The following RALGAPA1 variants were observed in gnomAD, a reference collection of about 807,000 sequenced individuals.
RALGAPA1 encodes ral GTPase-activating protein subunit alpha-1.
In RALGAPA1, 52 loss-of-function variants were observed where a neutral mutation model predicts 269.6. That is an observed-to-expected ratio of 0.19 (90% CI 0.15 to 0.24). RALGAPA1 has a LOEUF of 0.24. Among genes scored for constraint, RALGAPA1 ranks in the 10% least tolerant of loss-of-function variants. RALGAPA1 has a pLI of 1.00. For synonymous variants in RALGAPA1, 817 were observed against 1,008.3 expected, an observed-to-expected ratio of 0.81 and a Z score of 3.60; for missense variants, 1,917 against 3,013.9, an observed-to-expected ratio of 0.64 and a Z score of 8.52.
At chr14:35,553,054 T>C (rs996779970) in intron 39 of RALGAPA1, among the ~76,000 whole-genome samples, 1 of 152,192 alleles carries the variant, frequency 6.6e-6, no homozygotes, top group African/African-American at 2.4e-5. Flanking sequence ...TAAATGGGGA[T>C]ACATCTGTAA....
chr14:35,577,258 T>C (rs1302575075), intron 37 of RALGAPA1, among the ~76,000 whole-genome samples: 1 of 152,258 alleles, frequency 6.6e-6, no homozygotes, highest in Non-Finnish European at 1.5e-5. Context: ...ACAGACTGAA[T>C]GTTTGCATCC....
intron 20 of RALGAPA1, among the ~76,000 whole-genome samples, chr14:35,684,382 G>T (rs1261408460): frequency 2.0e-5 from 3 of 151,736 alleles, no homozygotes; most frequent in African/African-American, 7.2e-5. Context: ...ATTATTCAAA[G>T]GAAGTTCTGG....
At chr14:35,730,111 C>A (rs2070333091) in intron 12 of RALGAPA1, among the ~76,000 whole-genome samples, 1 of 152,180 alleles carries the variant, frequency 6.6e-6, no homozygotes, top group Non-Finnish European at 1.5e-5. Context: ...CCCGAAAACA[C>A]ACACCCATTG....
chr14:35,553,201 C>T (rs1296715951), intron 39 of RALGAPA1, among the ~76,000 whole-genome samples: 2 of 152,198 alleles, frequency 1.3e-5, no homozygotes, highest in Admixed American at 6.5e-5. Flanking sequence ...TCTTTGTAAA[C>T]AGCAGGTGCT....
chr14:35,548,601 C>G, intron 40 of RALGAPA1, 63 bp from the exon 41 acceptor site: 1 of 1,122,240 alleles, frequency 8.9e-7, no homozygotes, highest in Non-Finnish European at 1.3e-6. Context: ...ATAGGAAGGC[C>G]ACGAGTCATT....
At chr14:35,554,616 G>A (rs1391241324) in intron 39 of RALGAPA1, among the ~76,000 whole-genome samples, 1 of 151,962 alleles carries the variant, frequency 6.6e-6, no homozygotes, top group Non-Finnish European at 1.5e-5. Context: ...AAAGTGCTGG[G>A]ATTACAGGCG....
chr14:35,575,316 C>T (rs2057479318), intron 37 of RALGAPA1, among the ~76,000 whole-genome samples: 1 of 152,166 alleles, frequency 6.6e-6, no homozygotes, highest in African/African-American at 2.4e-5. Flanking sequence ...AAATTTCTTT[C>T]AACTGCTACT....
chr14:35,664,771 T>A lies in RALGAPA1; in HGVS notation c.5203-4A>T. Reference sequence around the variant, plus strand: ...CTTGTGCTTCTACTCTTGGTGCCTATGTATCACATTTTTAAAAAGTTTAAA... The same window carrying A: ...CTTGTGCTTCTACTCTTGGTGCCTAAGTATCACATTTTTAAAAAGTTTAAA... On this transcript the variant is annotated splice_polypyrimidine_tract_variant and splice_region_variant and intron_variant, in intron 26 of 41. Coordinates refer to ENST00000680220, the MANE Select transcript of RALGAPA1 (RefSeq NM_001346249.2). 1 of 1,600,548 alleles carries A rather than the reference T, an allele frequency of 6.2e-7. No individual in the cohort carries two copies. The highest frequency in any genetic ancestry group is 8.5e-7 in the Non-Finnish European group (1 of 1,176,954).
intron 33 of RALGAPA1, among the ~76,000 whole-genome samples, chr14:35,631,938 A>C (rs1594895956): frequency 6.8e-6 from 1 of 146,864 alleles, no homozygotes; most frequent in South Asian, 2.1e-4. Context: ...CAGGTACCAG[A>C]GTATCCCATA....
chr14:35,694,849 G>A (rs1482151396), intron 17 of RALGAPA1, among the ~76,000 whole-genome samples: 1 of 152,072 alleles, frequency 6.6e-6, no homozygotes, highest in Non-Finnish European at 1.5e-5. Flanking sequence ...GGCCCAGGTG[G>A]GTGGACCACC....
chr14:35,542,340 A>C (rs1453938709), intron 41 of RALGAPA1: 1 of 172,200 alleles, frequency 5.8e-6, no homozygotes, highest in Non-Finnish European at 1.2e-5. Flanking sequence ...CATTTCCATC[A>C]CCATAGAAGG....
Position 35,674,683 on chromosome 14 carries a change from A to C in RALGAPA1, c.4651T>G (p.Cys1551Gly). 1 of 1,548,870 alleles carries C rather than the reference A, an allele frequency of 6.5e-7. No individual in the cohort carries two copies. The highest frequency in any genetic ancestry group is 2.3e-5 in the East Asian group (1 of 44,186). The change falls in exon 23 of 42, where the codon TGT becomes GGT. Residue 1551 changes from cysteine (C) to glycine (G), a missense_variant. Cys to Gly is a radical substitution (Grantham distance 159). Around this residue, in one of 11 missense-constraint regions of RALGAPA1, gnomAD observed 73 missense variants for 190.6 expected, o/e 0.38. Coordinates refer to ENST00000680220, the MANE Select transcript of RALGAPA1 (RefSeq NM_001346249.2). ...AGAGTACCTCCTGCCATCACACTAC[A>C]ACATTCTGATGGAAATTCACTAATT... Reference protein sequence around the residue: ...LEISEFPSECCSVMAGGTLTG... With the variant: ...LEISEFPSECGSVMAGGTLTG...
intron 16 of RALGAPA1, among the ~76,000 whole-genome samples, chr14:35,718,709 G>A (rs1450656913): frequency 6.6e-6 from 1 of 152,030 alleles, no homozygotes; most frequent in African/African-American, 2.4e-5. Flanking sequence ...CCAGCTACTT[G>A]GGAGGCTGAG....
At chr14:35,601,198 C>T (rs1203806029) in intron 36 of RALGAPA1, among the ~76,000 whole-genome samples, 1 of 152,188 alleles carries the variant, frequency 6.6e-6, no homozygotes, top group Non-Finnish European at 1.5e-5. Flanking sequence ...CATGAGGCCT[C>T]CTCTGAAATG....
chr14:35,623,548 A>T (rs1382731996), intron 35 of RALGAPA1, among the ~76,000 whole-genome samples: 4 of 152,226 alleles, frequency 2.6e-5, no homozygotes, highest in Non-Finnish European at 5.9e-5. Flanking sequence ...CAAGCTATAA[A>T]GGTTAAAAAA....
At chr14:35,676,706 C>G (rs867476780) in intron 22 of RALGAPA1, 1 of 152,144 alleles carries the variant, frequency 6.6e-6, no homozygotes, top group Non-Finnish European at 1.5e-5. Context: ...ATGTTTAGGT[C>G]TGAAGGATCT....
chr14:35,579,728 A>G (rs2057829039), intron 37 of RALGAPA1, among the ~76,000 whole-genome samples: 1 of 152,064 alleles, frequency 6.6e-6, no homozygotes, highest in Non-Finnish European at 1.5e-5. Flanking sequence ...CTGTTTTCTC[A>G]ATCCTCTATT....
intron 33 of RALGAPA1, among the ~76,000 whole-genome samples, chr14:35,633,477 C>T (rs985882935): frequency 2.0e-5 from 3 of 152,152 alleles, no homozygotes; most frequent in African/African-American, 7.2e-5. Context: ...GGTTAACTGG[C>T]CAAATCAATC....
chr14:35,721,979 G>A (rs556448230), intron 15 of RALGAPA1, 130 bp from the exon 16 acceptor site: 9 of 703,408 alleles, frequency 1.3e-5, no homozygotes, highest in Non-Finnish European at 1.9e-5. Context: ...ACAAAACGCT[G>A]TGTACTGTAA....
Sources: allele counts gnomAD v4.1 joint callset (sites outside exome capture counted in the v4.1 genomes callset), GRCh38; gene constraint gnomAD v4.1.1; regional missense constraint gnomAD v4.1.1; transcripts MANE v1.5; gene names NCBI Gene and HGNC (gene_info 2026-07-23, HGNC 2026-07-21).